Variants in EYS observed in about 807,000 individuals in gnomAD.
EYS encodes the protein protein eyes shut homolog.
EYS carries 250 observed loss-of-function variants against 282.1 expected under a neutral mutation model. The observed-to-expected ratio is 0.89, with a 90% CI of 0.80 to 0.98. The LOEUF is 0.98. EYS is among the 50% of genes least tolerant of loss of function. The pLI is 0.00. For missense variants in EYS, 4,016 were observed against 3,709.0 expected (o/e 1.08, Z -2.15); for synonymous variants, 1,355 against 1,282.9 (o/e 1.06, Z -1.20).
At chr6:64,148,189 TTG>T (rs1044124478) in intron 31 of EYS, among the ~76,000 whole-genome samples, 1 of 152,216 alleles carries the variant, frequency 6.6e-6, no homozygotes, top group African/African-American at 2.4e-5. Context: ...TAAAATTTTG[TTG>T]TATTTCATCT....
chr6:64,374,493 CT>C (rs202138526), intron 29 of EYS, among the ~76,000 whole-genome samples: 5,787 of 152,224 alleles, frequency 0.038, 352 homozygotes, highest in African/African-American at 0.13. Flanking sequence ...ATGAATGCCC[CT>C]GGGCACTCTC....
chr6:64,961,166 C>G (rs1276955976), intron 14 of EYS, among the ~76,000 whole-genome samples: 1 of 151,948 alleles, frequency 6.6e-6, no homozygotes, highest in Non-Finnish European at 1.5e-5. Context: ...TGGGTATATA[C>G]CTAGGAATGG....
Position 65,600,414 on chromosome 6 carries a change from C to G in EYS, c.-333+39364G>C, listed in dbSNP as rs12206843. Among the ~76,000 whole-genome samples, 1,482 of 151,892 alleles carry G rather than the reference C, an allele frequency of 9.8e-3. 8 individuals are homozygous for G. Among genetic ancestry groups the G allele is most frequent in the Non-Finnish European group, 0.016 (1,071 of 67,944 alleles). On this transcript the variant is annotated intron_variant, in intron 2 of 42. Coordinates refer to ENST00000503581, the MANE Select transcript of EYS (RefSeq NM_001142800.2). ...TATTCCTTCAATATATGTAACATAC[C>G]TCATGGATAAGGATGGCTCTTATAT...
chr6:64,011,159 C>G (rs1046267492), intron 33 of EYS, among the ~76,000 whole-genome samples: 5 of 152,058 alleles, frequency 3.3e-5, no homozygotes, highest in Admixed American at 6.6e-5. Flanking sequence ...GCATATTTGT[C>G]TATTTCTTGT....
intron 26 of EYS, among the ~76,000 whole-genome samples, chr6:64,485,511 A>G (rs1298981307): frequency 1.3e-5 from 2 of 151,522 alleles, no homozygotes; most frequent in Admixed American, 1.3e-4. Context: ...ATTGATCCAA[A>G]CCAAGGTGGT....
At chr6:64,273,187 G>C (rs1210597203) in intron 30 of EYS, among the ~76,000 whole-genome samples, 22 of 152,074 alleles carry the variant, frequency 1.4e-4, no homozygotes, top group Admixed American at 1.4e-3. Context: ...TTGCACATCA[G>C]GTCCCTTCTG....
At chr6:63,994,032 T>C (rs540339382) in intron 34 of EYS, among the ~76,000 whole-genome samples, 5 of 152,080 alleles carry the variant, frequency 3.3e-5, no homozygotes, top group Non-Finnish European at 7.4e-5. Flanking sequence ...CACAAATGCA[T>C]GTGGAAAATA....
At chr6:65,196,760 C>A (rs1765776510) in intron 12 of EYS, among the ~76,000 whole-genome samples, 1 of 152,058 alleles carries the variant, frequency 6.6e-6, no homozygotes, top group African/African-American at 2.4e-5. Flanking sequence ...TGAATAGACT[C>A]ATTACAAATT....
At chr6:65,062,567 C>T (rs1416898063) in intron 12 of EYS, among the ~76,000 whole-genome samples, 1 of 151,878 alleles carries the variant, frequency 6.6e-6, no homozygotes, top group African/African-American at 2.4e-5. Flanking sequence ...GGCAGTACTC[C>T]AAACTCCTTA....
At chr6:64,198,311 A>AT (rs1469367826) in intron 31 of EYS, among the ~76,000 whole-genome samples, 1 of 151,696 alleles carries the variant, frequency 6.6e-6, no homozygotes, top group Non-Finnish European at 1.5e-5. Context: ...CCGGCCTATA[A>AT]TTTTTTTATT....
At chr6:64,400,455 G>C (rs1300934526) in intron 28 of EYS, 1 of 151,984 alleles carries the variant, frequency 6.6e-6, no homozygotes, top group Non-Finnish European at 1.5e-5. Flanking sequence ...TTATACCTAC[G>C]TAGGCCATCA....
chr6:64,635,580 A>G (rs1387606353), intron 22 of EYS, among the ~76,000 whole-genome samples: 2 of 152,186 alleles, frequency 1.3e-5, no homozygotes, highest in African/African-American at 4.8e-5. Context: ...TATTGAGATT[A>G]TCATGTGGTA....
chr6:64,312,627 C>A (rs6901387), intron 29 of EYS, among the ~76,000 whole-genome samples: 114,431 of 152,086 alleles, frequency 0.75, 43,650 homozygotes, highest in African/African-American at 0.89. Flanking sequence ...CTCATATAGG[C>A]GAGCTCTGGC....
At position 65,079,345 on chromosome 6, in the gene EYS, A is replaced by T. The variant is rs536783180; in HGVS notation, c.2024-21618T>A. ...TTTAAATTAACTTTAATTTAAATTT[A>T]AAAACTAATTCATTTGAGATATTTA... On this transcript the variant is annotated intron_variant, in intron 12 of 42. Transcript: ENST00000503581. 1.6e-3 allele frequency among the ~76,000 whole-genome samples: 251 copies of T among 152,230 alleles called. 2 individuals carry two copies. Among genetic ancestry groups the T allele is most frequent in the South Asian group, 0.013 (64 of 4,824 alleles).
Position 65,494,858 on chromosome 6 carries a change from C to A in EYS, c.553G>T (p.Gly185Cys). The change falls in exon 4 of 43, where the codon GGT becomes TGT. Residue 185 changes from glycine to cysteine, a missense_variant. Transcript: ENST00000503581. ...GCTTCACTAAGACATTTACCATGAC[C>A]AGAGCAAAATTCTGAACTCAGAGAT... ...QESLSSEFCS[G>C]HGKCLSEAWS... The A allele has an allele frequency of 6.2e-7, 1 of 1,614,072 alleles. No homozygotes were observed. The highest frequency in any genetic ancestry group is 1.1e-5 in the South Asian group (1 of 91,082).
intron 30 of EYS, among the ~76,000 whole-genome samples, chr6:64,259,635 T>G (rs147823820): frequency 2.7e-4 from 35 of 130,748 alleles, no homozygotes; most frequent in African/African-American, 9.1e-4. Context: ...TCTCTCCCAG[T>G]ACTTTTACAC....
chr6:64,179,656 T>C (rs1487768789), intron 31 of EYS, among the ~76,000 whole-genome samples: 2 of 152,112 alleles, frequency 1.3e-5, no homozygotes, highest in East Asian at 1.9e-4. Flanking sequence ...AAGTGAATTG[T>C]TATAAAATCT....
chr6:64,840,286 C>T (rs952213088), intron 19 of EYS, among the ~76,000 whole-genome samples: 3 of 151,814 alleles, frequency 2.0e-5, no homozygotes, highest in Non-Finnish European at 2.9e-5. Context: ...ATAACTGGTG[C>T]CTCAATTTGT....
chr6:64,784,875 A>G (rs1773970123), intron 22 of EYS, among the ~76,000 whole-genome samples: 1 of 152,048 alleles, frequency 6.6e-6, no homozygotes, highest in African/African-American at 2.4e-5. Flanking sequence ...CACAGATTGT[A>G]CAGCCCTTAG....
Sources: allele counts gnomAD v4.1 joint callset (sites outside exome capture counted in the v4.1 genomes callset), GRCh38; gene constraint gnomAD v4.1.1; transcripts MANE v1.5; gene names NCBI Gene and HGNC (gene_info 2026-07-23, HGNC 2026-07-21).